The following KIF26B variants were observed in gnomAD, a reference collection of about 807,000 sequenced individuals.
The protein encoded by KIF26B is kinesin family member 26B, also known as kinesin-like protein KIF26B.
A neutral mutation model predicts 151.2 loss-of-function variants in KIF26B; 63 were observed. The observed-to-expected ratio is 0.42, with a 90% CI of 0.34 to 0.51. The LOEUF (loss-of-function observed/expected upper bound fraction) is 0.51. Ranked by LOEUF, KIF26B falls within the 20% of genes least tolerant of loss-of-function variation. KIF26B has a pLI of 0.07. For missense variants in KIF26B, 2,813 were observed against 2,913.6 expected (o/e 0.97, Z 0.79); for synonymous variants, 1,357 against 1,262.1 (o/e 1.08, Z -1.59).
chr1:245,282,115 A>G (rs1430566153), intron 2 of KIF26B, among the ~76,000 whole-genome samples: 2 of 152,126 alleles, frequency 1.3e-5, no homozygotes, highest in Non-Finnish European at 2.9e-5. Flanking sequence ...AAATGGAAGA[A>G]CATTCCATGC....
chr1:245,613,668 C>G (rs550167786), intron 9 of KIF26B, among the ~76,000 whole-genome samples: 181 of 152,302 alleles, frequency 1.2e-3, no homozygotes, highest in African/African-American at 3.9e-3. Flanking sequence ...CCTAAGCCTC[C>G]TCGTGGCTCA....
chr1:245,702,530 T>TGGAG lies in KIF26B; in HGVS notation c.6252_6255dup (p.Ser2086GlyfsTer58). The TGGAG allele has an allele frequency of 6.2e-7, 1 of 1,613,924 alleles. No homozygotes were observed. The highest frequency in any genetic ancestry group is 1.3e-5 in the African/African-American group (1 of 75,014). On this transcript the variant is annotated frameshift_variant, in exon 15 of 15. Coordinates refer to ENST00000407071, the MANE Select transcript of KIF26B (RefSeq NM_018012.4). LOFTEE classifies it high-confidence loss of function. This position sits in a 1 kb window ranked among gnomAD's most constrained non-coding sequence, Gnocchi z 4.1. Reference sequence around the variant, plus strand: ...GCACTGGAGTGTGTGACGGAGCGCCTGGAGAGCCGTGTCAACTTCTGCAAG... The same window carrying TGGAG: ...GCACTGGAGTGTGTGACGGAGCGCCTGGAGGGAGAGCCGTGTCAACTTCTGCAAG...
At chr1:245,362,276 C>T (rs1672839026) in intron 2 of KIF26B, among the ~76,000 whole-genome samples, 1 of 150,318 alleles carries the variant, frequency 6.7e-6, no homozygotes, top group African/African-American at 2.5e-5. Context: ...TGCCGGTAAT[C>T]CCAGCACGTT....
intron 2 of KIF26B, among the ~76,000 whole-genome samples, chr1:245,254,659 C>T (rs1352609663): frequency 6.6e-6 from 1 of 152,054 alleles, no homozygotes; most frequent in African/African-American, 2.4e-5. Context: ...ACGTCTTCCC[C>T]TTTTATTGAT....
rs1672738029 is a variant in KIF26B, at chr1:245,358,082, A to G, written c.466-8752A>G. 6.6e-6 allele frequency among the ~76,000 whole-genome samples: 1 copy of G among 151,970 alleles called. No individual in the cohort carries two copies. The highest frequency in any genetic ancestry group is 1.5e-5 in the Non-Finnish European group (1 of 68,018). On this transcript the variant is annotated intron_variant, in intron 2 of 14. Coordinates refer to ENST00000407071, the MANE Select transcript of KIF26B (RefSeq NM_018012.4). The surrounding 1 kb of genome is among the most constrained non-coding windows in gnomAD (Gnocchi z 4.1). ...AAGGCATGCACCACCGCACCTGGCTAATTTTTGTATTTTTTGTAGTTGGGA... is the reference window on the plus strand; with the variant it reads ...AAGGCATGCACCACCGCACCTGGCTGATTTTTGTATTTTTTGTAGTTGGGA...
intron 4 of KIF26B, among the ~76,000 whole-genome samples, chr1:245,422,021 G>A (rs1214932095): frequency 6.6e-6 from 1 of 152,156 alleles, no homozygotes; most frequent in African/African-American, 2.4e-5. Flanking sequence ...GGCAGGCTCT[G>A]CAGGTGATGC....
chr1:245,382,705 A>C (rs1673440649), intron 3 of KIF26B, among the ~76,000 whole-genome samples: 1 of 151,890 alleles, frequency 6.6e-6, no homozygotes, highest in African/African-American at 2.4e-5. Context: ...AGTAGCTGAG[A>C]TTACAGGCAT....
rs1335630658 is a variant in KIF26B at position 245,516,749 on chromosome 1, G to C, written c.1167-24018G>C. ...ATCTGAGATGTCAGCTCATAAATCT[G>C]TAAGCTCCTTGCTTAAGTAATACGC... On this transcript the variant is annotated intron_variant, in intron 4 of 14. Transcript: ENST00000407071. The surrounding 1 kb of genome is among the most constrained non-coding windows in gnomAD (Gnocchi z 4.2). Among the ~76,000 whole-genome samples the C allele has an allele frequency of 1.3e-5, 2 of 152,212 alleles. No homozygotes were observed. The highest frequency in any genetic ancestry group is 6.3e-3 in the Middle Eastern group (2 of 316).
chr1:245,547,004 T>C (rs1661756727), intron 5 of KIF26B, among the ~76,000 whole-genome samples: 1 of 152,252 alleles, frequency 6.6e-6, no homozygotes, highest in African/African-American at 2.4e-5. Context: ...TCTTCGCGGT[T>C]TCTTTTTTCC....
At position 245,445,044 on chromosome 1, in the gene KIF26B, T is replaced by G. The variant is rs371525870; in HGVS notation, c.1166+25299T>G. Among the ~76,000 whole-genome samples the G allele has an allele frequency of 3.0e-4, 46 of 152,258 alleles. No homozygotes were observed. The South Asian group carries it at 8.1e-3, about 27-fold the overall frequency. On this transcript the variant is annotated intron_variant, in intron 4 of 14. Transcript: ENST00000407071. Reference sequence around the variant, plus strand: ...GCTGAACATGAACCCCAAATTCCTGTGTAATGTATCGCAGAATCTGTCCTT... The same window carrying G: ...GCTGAACATGAACCCCAAATTCCTGGGTAATGTATCGCAGAATCTGTCCTT...
intron 4 of KIF26B, among the ~76,000 whole-genome samples, chr1:245,492,146 C>T (rs1023099828): frequency 2.6e-5 from 4 of 152,226 alleles, no homozygotes; most frequent in Non-Finnish European, 5.9e-5. Flanking sequence ...AGCAGCAATG[C>T]TGTTGTACTC....
intron 2 of KIF26B, among the ~76,000 whole-genome samples, chr1:245,307,809 G>T (rs374809707): frequency 7.3e-5 from 11 of 150,682 alleles, no homozygotes; most frequent in Non-Finnish European, 1.5e-4. Flanking sequence ...GGCGCGATCT[G>T]GGCTCACTGC....
chr1:245,315,583 A>G (rs905731921), intron 2 of KIF26B, among the ~76,000 whole-genome samples: 13 of 151,198 alleles, frequency 8.6e-5, no homozygotes, highest in African/African-American at 3.2e-4. Context: ...TTAGCTGGAC[A>G]TGGTGGCGGG....
At position 245,687,508 on chromosome 1, in the gene KIF26B, G is replaced by A; in HGVS notation, c.4525G>A (p.Val1509Ile). The change falls in exon 12 of 15, where the codon GTC becomes ATC. Residue 1509 changes from valine (V) to isoleucine (I), a missense_variant. Coordinates refer to ENST00000407071, the MANE Select transcript of KIF26B (RefSeq NM_018012.4). This position sits in a 1 kb window ranked among gnomAD's most constrained non-coding sequence, Gnocchi z 4.9. Reference sequence around the variant, plus strand: ...CCCGGTCACTGACAACTTCAGGAGGGTCGTGGATGGGTGTGAGATGGCCCT... The same window carrying A: ...CCCGGTCACTGACAACTTCAGGAGGATCGTGGATGGGTGTGAGATGGCCCT... Reference protein sequence around the residue: ...ASPVTDNFRRVVDGCEMALPG... With the variant: ...ASPVTDNFRRIVDGCEMALPG... The A allele has an allele frequency of 6.3e-7, 1 of 1,577,296 alleles. No individual in the cohort carries two copies. Among genetic ancestry groups the A allele is most frequent in the South Asian group, 1.2e-5 (1 of 85,666 alleles).
intron 2 of KIF26B, among the ~76,000 whole-genome samples, chr1:245,195,894 A>T (rs1031087621): frequency 2.0e-5 from 3 of 152,212 alleles, no homozygotes. Flanking sequence ...TTAAAAGAGT[A>T]GCCTTGAGAA....
chr1:245,245,013 GTT>G (rs894739567), intron 2 of KIF26B, among the ~76,000 whole-genome samples: 1 of 152,086 alleles, frequency 6.6e-6, no homozygotes, highest in African/African-American at 2.4e-5. Context: ...CAGTCCTGAG[GTT>G]CGTTGTTTCT....
chr1:245,604,608 G>A (rs2043430288), intron 6 of KIF26B, among the ~76,000 whole-genome samples: 1 of 152,156 alleles, frequency 6.6e-6, no homozygotes, highest in South Asian at 2.1e-4. Context: ...TCCACAAGTT[G>A]TAAGAATTCC....
intron 5 of KIF26B, among the ~76,000 whole-genome samples, chr1:245,575,235 G>A (rs1417811930): frequency 6.6e-6 from 1 of 151,836 alleles, no homozygotes; most frequent in East Asian, 2.0e-4. Flanking sequence ...AGCACTTTGG[G>A]AGGCAGAGGC....
chr1:245,609,040 C>T (rs1342739295), intron 7 of KIF26B, among the ~76,000 whole-genome samples: 4 of 152,180 alleles, frequency 2.6e-5, no homozygotes, highest in Non-Finnish European at 2.9e-5. Flanking sequence ...CAGGCATGAG[C>T]CACTGAGCCC....
Sources: allele counts gnomAD v4.1 joint callset (sites outside exome capture counted in the v4.1 genomes callset), GRCh38; gene constraint gnomAD v4.1.1; non-coding constraint Gnocchi (gnomAD v3.1); transcripts MANE v1.5; gene names NCBI Gene and HGNC (gene_info 2026-07-23, HGNC 2026-07-21).